Variants in NCAM1 observed in about 807,000 individuals in gnomAD.
NCAM1 encodes antigen recognized by monoclonal antibody 5.1H11.
Under a neutral mutation model 109.8 loss-of-function variants are expected in NCAM1, and 14 were observed. That is an observed-to-expected ratio of 0.13 (90% CI 0.08 to 0.20). The LOEUF (loss-of-function observed/expected upper bound fraction) is 0.20, where lower values mean the gene tolerates loss of function less well. Among genes scored for constraint, NCAM1 ranks in the 10% least tolerant of loss-of-function variants. NCAM1 has a pLI of 1.00. For synonymous variants in NCAM1, 418 were observed against 442.9 expected (o/e 0.94, Z 0.70); for missense variants, 774 against 1,109.9 (o/e 0.70, Z 4.30).
intron 1 of NCAM1, among the ~76,000 whole-genome samples, chr11:112,974,182 G>A (rs1294004863): frequency 6.6e-6 from 1 of 152,056 alleles, no homozygotes; most frequent in Non-Finnish European, 1.5e-5. Context: ...AACGGAAAGA[G>A]GCCTCTGAAG....
At chr11:113,019,802 C>T (rs1952330974) in intron 1 of NCAM1, among the ~76,000 whole-genome samples, 1 of 152,186 alleles carries the variant, frequency 6.6e-6, no homozygotes, top group Admixed American at 6.5e-5. Flanking sequence ...CGCTTCCCTC[C>T]CTGAACCAAA....
In NCAM1 at chr11:112,963,268, A is replaced by G; in HGVS notation, c.52+1604A>G. The G allele has an allele frequency of 6.6e-6, 1 of 152,618 alleles. No individual in the cohort carries two copies. The highest frequency in any genetic ancestry group is 1.5e-5 in the Non-Finnish European group (1 of 68,320). The allele number at this position is 152,618 out of a possible 1,614,324, so 9.5% of individuals were successfully genotyped here. On this transcript the variant is annotated intron_variant, in intron 1 of 19. Transcript: ENST00000316851. The surrounding 1 kb of genome is among the most constrained non-coding windows in gnomAD (Gnocchi z 4.6). The stretch of plus-strand genomic sequence containing the variant: ...CCGCCTGCCCGGCAGTTTCCGAGGA[A>G]ATAAAATGGAGACTAGGTGGTCACC...
At chr11:113,162,009 A>G (rs144889176) in intron 1 of NCAM1, among the ~76,000 whole-genome samples, 77 of 152,268 alleles carry the variant, frequency 5.1e-4, no homozygotes, top group African/African-American at 1.8e-3. Context: ...TGTTCGAGAT[A>G]TTTTCAGAAT....
chr11:113,024,784 C>T (rs1461765409), intron 1 of NCAM1, among the ~76,000 whole-genome samples: 4 of 152,130 alleles, frequency 2.6e-5, no homozygotes, highest in Non-Finnish European at 5.9e-5. Flanking sequence ...AATTAACCCC[C>T]TCTATTTTTT....
chr11:112,995,792 G>A (rs10891486), intron 1 of NCAM1, among the ~76,000 whole-genome samples: 20,792 of 152,076 alleles, frequency 0.14, 1,784 homozygotes, highest in South Asian at 0.4. Context: ...ATCTTTGGCC[G>A]TATCTCATAT....
chr11:113,017,188 C>T (rs546344868), intron 1 of NCAM1, among the ~76,000 whole-genome samples: 119 of 152,306 alleles, frequency 7.8e-4, no homozygotes, highest in African/African-American at 2.7e-3. Flanking sequence ...CTGAGAGACA[C>T]TCTTCGTTTA....
At chr11:113,208,911 C>T (rs1944316420) in intron 7 of NCAM1, among the ~76,000 whole-genome samples, 1 of 152,196 alleles carries the variant, frequency 6.6e-6, no homozygotes, top group Non-Finnish European at 1.5e-5. Context: ...GCCTTGTTTG[C>T]CTCCTTCCCT....
intron 1 of NCAM1, among the ~76,000 whole-genome samples, chr11:113,138,950 T>C (rs558411813): frequency 2.0e-5 from 3 of 152,316 alleles, no homozygotes; most frequent in African/African-American, 7.2e-5. Context: ...AGTCTCTGCC[T>C]AGCATAGGTC....
chr11:112,979,220 A>G (rs1951084802), intron 1 of NCAM1, among the ~76,000 whole-genome samples: 1 of 134,842 alleles, frequency 7.4e-6, no homozygotes, highest in African/African-American at 2.6e-5. Flanking sequence ...GACTGGTAGA[A>G]CAAAAAAGAA....
chr11:113,247,692 G>T (rs1945542800), intron 15 of NCAM1, among the ~76,000 whole-genome samples: 1 of 152,204 alleles, frequency 6.6e-6, no homozygotes, highest in Non-Finnish European at 1.5e-5. Flanking sequence ...ATGAAATAAA[G>T]TGGGAATGTC....
At chr11:112,986,202 G>C (rs1429950791) in intron 1 of NCAM1, among the ~76,000 whole-genome samples, 2 of 151,790 alleles carry the variant, frequency 1.3e-5, no homozygotes, top group African/African-American at 4.8e-5. Flanking sequence ...TTTTAATATA[G>C]TATATCACAT....
At chr11:113,196,750 C>T (rs1555110891) in intron 1 of NCAM1, among the ~76,000 whole-genome samples, 2 of 152,180 alleles carry the variant, frequency 1.3e-5, no homozygotes, top group African/African-American at 4.8e-5. Context: ...GTCTTAACCA[C>T]CCTGCAATGT....
At chr11:113,051,134 T>C (rs1953470831) in intron 1 of NCAM1, among the ~76,000 whole-genome samples, 1 of 152,202 alleles carries the variant, frequency 6.6e-6, no homozygotes, top group South Asian at 2.1e-4. Flanking sequence ...AGGAAGAGCA[T>C]TTGTGGTACT....
chr11:113,211,866 G>C (rs1262150980), intron 7 of NCAM1, among the ~76,000 whole-genome samples: 3 of 152,204 alleles, frequency 2.0e-5, no homozygotes, highest in Non-Finnish European at 4.4e-5. Context: ...AGCATTCTTG[G>C]AAAACTCACA....
At chr11:113,100,325 C>G (rs1247755400) in intron 1 of NCAM1, among the ~76,000 whole-genome samples, 1 of 152,048 alleles carries the variant, frequency 6.6e-6, no homozygotes, top group Non-Finnish European at 1.5e-5. Flanking sequence ...CCCACAGTAG[C>G]ATCTAGGGTT....
At chr11:113,121,535 T>TA (rs1440822886) in intron 1 of NCAM1, among the ~76,000 whole-genome samples, 126 of 6,130 alleles carry the variant, frequency 0.021, 1 homozygote, top group African/African-American at 0.049. Context: ...CCACCAATCT[T>TA]ACAAAAAAAA....
intron 1 of NCAM1, among the ~76,000 whole-genome samples, chr11:113,169,961 A>G (rs1555105943): frequency 6.6e-6 from 1 of 152,152 alleles, no homozygotes; most frequent in Non-Finnish European, 1.5e-5. Flanking sequence ...GAGACATGAA[A>G]TAACACATCC....
In NCAM1 at chr11:113,109,632, G is replaced by C. The variant is rs1023681960; in HGVS notation, c.53-92747G>C. 3.3e-5 allele frequency among the ~76,000 whole-genome samples: 5 copies of C among 152,304 alleles called. No individual in the cohort carries two copies. In the South Asian group the frequency reaches 8.3e-4, roughly 25 times the overall value. ...CCATGGGCTGTGCTTTCAAGGAACT[G>C]TTTGTTTTGTTGTTCAGAGAAGATG... On this transcript the variant is annotated intron_variant, in intron 1 of 19. Transcript: ENST00000316851.
At chr11:113,066,141 T>G (rs181454319) in intron 1 of NCAM1, among the ~76,000 whole-genome samples, 448 of 152,162 alleles carry the variant, frequency 2.9e-3, no homozygotes, top group African/African-American at 0.01. Context: ...GATTGAGAGA[T>G]AAGTAATTTT....
Sources: gnomAD v4.1 joint callset for allele counts (sites outside exome capture counted in the v4.1 genomes callset) on GRCh38, gnomAD v4.1.1 for gene constraint, Gnocchi (gnomAD v3.1) non-coding constraint, MANE v1.5 for transcripts, NCBI Gene and HGNC (gene_info 2026-07-23, HGNC 2026-07-21) for gene names.